Variants in GRIK3 observed in about 807,000 individuals in gnomAD.
GRIK3 encodes the protein glutamate receptor ionotropic, kainate 3.
GRIK3 carries 29 observed loss-of-function variants against 102.5 expected under a neutral mutation model. The ratio of observed to expected loss-of-function variants is 0.28; its 90% CI spans 0.21 to 0.39. The LOEUF is 0.39. Ranked by LOEUF, GRIK3 falls within the 10% of genes least tolerant of loss-of-function variation. The pLI is 1.00. For missense variants in GRIK3, 908 were observed against 1,252.4 expected (o/e 0.73, Z 4.15); for synonymous variants, 511 against 504.9 (o/e 1.01, Z -0.16).
chr1:37,009,276 G>T (rs1321174494), intron 1 of GRIK3, among the ~76,000 whole-genome samples: 1 of 152,190 alleles, frequency 6.6e-6, no homozygotes, highest in East Asian at 1.9e-4. Flanking sequence ...ATTATGGTAT[G>T]ATGTAGGACT....
chr1:36,984,600 TG>T (rs1228568418), intron 1 of GRIK3, among the ~76,000 whole-genome samples: 18 of 152,360 alleles, frequency 1.2e-4, no homozygotes, highest in African/African-American at 4.3e-4. Flanking sequence ...TAAATGCCTC[TG>T]GGTCTAGCAG....
intron 1 of GRIK3, among the ~76,000 whole-genome samples, chr1:36,951,076 C>A (rs1004214422): frequency 2.6e-5 from 4 of 152,230 alleles, no homozygotes; most frequent in Non-Finnish European, 5.9e-5. Flanking sequence ...AGGTCTGGAG[C>A]ATGCAAATGA....
intron 1 of GRIK3, among the ~76,000 whole-genome samples, chr1:37,001,630 C>T (rs1642477781): frequency 6.6e-6 from 1 of 152,150 alleles, no homozygotes; most frequent in African/African-American, 2.4e-5. Flanking sequence ...AACGTGGATC[C>T]TCCTCCTTGC....
Position 36,881,880 on chromosome 1 carries a change from A to G in GRIK3, c.293-989T>C, listed in dbSNP as rs1213174713. 4.6e-5 allele frequency among the ~76,000 whole-genome samples: 7 copies of G among 152,006 alleles called. No homozygotes were observed. In the East Asian group the frequency reaches 1.4e-3, roughly 29 times the overall value. On this transcript the variant is annotated intron_variant, in intron 2 of 15. Transcript: ENST00000373091. Reference sequence around the variant, plus strand: ...CATCCTTCTTTCCCTCCCTCAAAGCATTCAAGCTCCTCTGGCTTCCATGAT... The same window carrying G: ...CATCCTTCTTTCCCTCCCTCAAAGCGTTCAAGCTCCTCTGGCTTCCATGAT...
intron 11 of GRIK3, among the ~76,000 whole-genome samples, chr1:36,824,515 G>A (rs965028372): frequency 2.0e-5 from 3 of 152,212 alleles, no homozygotes; most frequent in East Asian, 3.9e-4. Flanking sequence ...CTCTCACAGC[G>A]TGGGAGGAGG....
rs878977067 is a variant in GRIK3, at chr1:36,800,651, G to C, written c.*1200C>G. The C allele has an allele frequency of 3.3e-5, 5 of 152,304 alleles. No individual in the cohort carries two copies. In the South Asian group the frequency reaches 8.3e-4, roughly 25 times the overall value. 9.4% of individuals were successfully genotyped at this position (152,304 alleles called of 1,614,324 possible). The stretch of plus-strand genomic sequence containing the variant: ...TGCCAGCTATGATATTATGTCCCTG[G>C]AAACTTTCTTTTCCTGGGGAGCATC... On this transcript the variant is annotated 3_prime_UTR_variant, in exon 16 of 16. Coordinates refer to ENST00000373091, the MANE Select transcript of GRIK3 (RefSeq NM_000831.4).
intron 13 of GRIK3, among the ~76,000 whole-genome samples, chr1:36,809,231 C>T (rs545553867): frequency 6.6e-6 from 1 of 152,198 alleles, no homozygotes; most frequent in African/African-American, 2.4e-5. Flanking sequence ...CAACCACTCA[C>T]CCACCCATCC....
chr1:36,807,053 G>A (rs559481442), intron 13 of GRIK3, among the ~76,000 whole-genome samples: 40 of 152,278 alleles, frequency 2.6e-4, no homozygotes, highest in African/African-American at 9.1e-4. Context: ...GGTGCGAATT[G>A]CAGAGGGGGA....
chr1:36,919,256 A>C (rs544528914), intron 1 of GRIK3, among the ~76,000 whole-genome samples: 2 of 152,200 alleles, frequency 1.3e-5, no homozygotes, highest in Non-Finnish European at 2.9e-5. Flanking sequence ...TGATAAACTC[A>C]GTGTTCAAGG....
intron 3 of GRIK3, among the ~76,000 whole-genome samples, chr1:36,875,045 A>G (rs1297127192): frequency 6.6e-6 from 1 of 152,222 alleles, no homozygotes; most frequent in Non-Finnish European, 1.5e-5. Flanking sequence ...TCACTCACAA[A>G]GCGCTTCTGC....
At chr1:36,837,388 A>G (rs1240850792) in intron 10 of GRIK3, among the ~76,000 whole-genome samples, 5 of 152,034 alleles carry the variant, frequency 3.3e-5, no homozygotes, top group Non-Finnish European at 7.4e-5. Flanking sequence ...GTAGAATTCC[A>G]TGCCCTGTCC....
At position 36,799,920 on chromosome 1, in the gene GRIK3, C is replaced by T. The variant is rs1284313983; in HGVS notation, c.*1931G>A. The T allele has an allele frequency of 6.6e-6, 1 of 152,300 alleles. No individual in the cohort carries two copies. Among genetic ancestry groups the T allele is most frequent in the East Asian group, 1.9e-4 (1 of 5,200 alleles). 9.4% of individuals were successfully genotyped at this position (152,300 alleles called of 1,614,324 possible). ...AAGACACAGACACACATGCACACGC[C>T]CTCTGTACCCTGAAGCTTATGACAG... On this transcript the variant is annotated 3_prime_UTR_variant, in exon 16 of 16. Coordinates refer to ENST00000373091, the MANE Select transcript of GRIK3 (RefSeq NM_000831.4).
chr1:36,862,652 C>T (rs940794572), intron 5 of GRIK3, among the ~76,000 whole-genome samples: 4 of 152,206 alleles, frequency 2.6e-5, no homozygotes, highest in African/African-American at 9.7e-5. Context: ...GTCTCCCTCC[C>T]TCAGCTCCTC....
At chr1:36,985,849 GGGGCCCTTCT>G (rs1432185873) in intron 1 of GRIK3, among the ~76,000 whole-genome samples, 1 of 152,104 alleles carries the variant, frequency 6.6e-6, no homozygotes, top group African/African-American at 2.4e-5. Flanking sequence ...CATCACACTT[GGGGCCCTTCT>G]CTGTCCGATC....
intron 3 of GRIK3, among the ~76,000 whole-genome samples, chr1:36,877,535 T>A (rs1570774856): frequency 6.6e-6 from 1 of 152,334 alleles, no homozygotes; most frequent in Middle Eastern, 3.4e-3. Flanking sequence ...GATCCTTGGC[T>A]GCTTTAAAGA....
intron 10 of GRIK3, among the ~76,000 whole-genome samples, chr1:36,832,079 ACTGCT>A (rs1640307699): frequency 8.6e-3 from 1 of 116 alleles, no homozygotes; most frequent in African/African-American, 0.042. Flanking sequence ...CTCCCTGGCG[ACTGCT>A]CTACTGCTCT....
intron 10 of GRIK3, among the ~76,000 whole-genome samples, chr1:36,832,914 C>T (rs757164835): frequency 1.3e-5 from 2 of 152,212 alleles, no homozygotes; most frequent in Non-Finnish European, 2.9e-5. Flanking sequence ...CCCCCTGCCC[C>T]CAAGGCTAGG....
At chr1:36,834,545 C>T (rs1640348748) in intron 10 of GRIK3, among the ~76,000 whole-genome samples, 1 of 152,078 alleles carries the variant, frequency 6.6e-6, no homozygotes, top group Non-Finnish European at 1.5e-5. Context: ...GCACACAGGC[C>T]TCCTGAGCTG....
intron 11 of GRIK3, among the ~76,000 whole-genome samples, chr1:36,824,478 T>G (rs1642731973): frequency 6.6e-6 from 1 of 152,106 alleles, no homozygotes; most frequent in African/African-American, 2.4e-5. Flanking sequence ...GCAGGGACAT[T>G]TCATCACTCA....
Sources: gnomAD v4.1 joint callset for allele counts (sites outside exome capture counted in the v4.1 genomes callset) on GRCh38, gnomAD v4.1.1 for gene constraint, MANE v1.5 for transcripts, NCBI Gene and HGNC (gene_info 2026-07-23, HGNC 2026-07-21) for gene names.